PCDHGB4: variants seen among roughly 807,000 people sequenced by gnomAD.
PCDHGB4 encodes protocadherin gamma subfamily B, 4, also known as protocadherin gamma-B4.
In PCDHGB4, 38 loss-of-function variants were observed where a neutral mutation model predicts 60.5. The ratio of observed to expected loss-of-function variants is 0.63; its 90% confidence interval spans 0.48 to 0.82. PCDHGB4 has a LOEUF of 0.82. Among genes scored for constraint, PCDHGB4 ranks in the 40% least tolerant of loss-of-function variants. The pLI, the probability that PCDHGB4 is intolerant of heterozygous loss-of-function variation, is 0.00. For synonymous variants in PCDHGB4, 456 were observed against 509.7 expected (o/e 0.89, Z 1.42); for missense variants, 1,109 against 1,209.6 (o/e 0.92, Z 1.23).
At chr5:141,401,726 A>T (rs943909540) in intron 1 of PCDHGB4, among the ~76,000 whole-genome samples, 1 of 152,186 alleles carries the variant, frequency 6.6e-6, no homozygotes, top group African/African-American at 2.4e-5. Context: ...AAAAACTACT[A>T]GTCTTGTGTA....
chr5:141,405,353 A>G lies in PCDHGB4; in HGVS notation c.2397+15072A>G, dbSNP rs187461819. 6.9e-5 allele frequency: 112 copies of G among 1,614,026 alleles called. No homozygotes were observed. Among genetic ancestry groups the G allele is most frequent in the Admixed American group, 5.8e-4 (35 of 60,010 alleles). On this transcript the variant is annotated intron_variant, in intron 1 of 3. Coordinates refer to ENST00000519479, the MANE Select transcript of PCDHGB4 (RefSeq NM_003736.4). Reference sequence around the variant, plus strand: ...CGTCTCTGTTGATTCCAAGTTTCCTATAGAAGACACCCCTTTGGTTCCGGT... The same window carrying G: ...CGTCTCTGTTGATTCCAAGTTTCCTGTAGAAGACACCCCTTTGGTTCCGGT...
chr5:141,427,751 C>G (rs778043340), intron 1 of PCDHGB4: 6 of 1,306,076 alleles, frequency 4.6e-6, no homozygotes, highest in Non-Finnish European at 6.6e-6. Context: ...CCTACTCCAT[C>G]GTTACCACTG....
At position 141,414,671 on chromosome 5, in the gene PCDHGB4, C is replaced by A. The variant is rs115280317; in HGVS notation, c.2397+24390C>A. On this transcript the variant is annotated intron_variant, in intron 1 of 3. Coordinates refer to ENST00000519479, the MANE Select transcript of PCDHGB4 (RefSeq NM_003736.4). ...ATTATTTACTCCCTGGCTGAAGACA[C>A]CATCCAGGGGGTACCTCTGTCCTCA... 857 of 1,613,966 alleles carry A rather than the reference C, an allele frequency of 5.3e-4. 9 individuals carry two copies. In the African/African-American group the frequency reaches 0.01, roughly 19 times the overall value.
intron 3 of PCDHGB4, among the ~76,000 whole-genome samples, chr5:141,509,685 A>G (rs923641083): frequency 6.6e-6 from 1 of 152,166 alleles, no homozygotes. Flanking sequence ...TCTTCTGTAC[A>G]GTGGGACGTT....
At chr5:141,478,165 C>G (rs780594020) in intron 1 of PCDHGB4, 13 of 1,613,920 alleles carry the variant, frequency 8.1e-6, no homozygotes, top group African/African-American at 1.3e-5. Flanking sequence ...GCTCTGCCCC[C>G]CGGGAGCAGA....
intron 1 of PCDHGB4, chr5:141,398,873 T>G (rs2093718804): frequency 5.0e-6 from 8 of 1,613,254 alleles, no homozygotes; most frequent in Non-Finnish European, 6.8e-6. Context: ...GTGTACAGAG[T>G]CAGCCTTCGG....
intron 1 of PCDHGB4, among the ~76,000 whole-genome samples, chr5:141,488,741 C>A (rs2099678972): frequency 1.3e-5 from 2 of 152,310 alleles, no homozygotes; most frequent in South Asian, 4.1e-4. Context: ...TGAAGTCATG[C>A]AGGAAGTTGC....
chr5:141,429,547 A>C (rs2097222392), intron 1 of PCDHGB4, among the ~76,000 whole-genome samples: 1 of 152,196 alleles, frequency 6.6e-6, no homozygotes, highest in Non-Finnish European at 1.5e-5. Flanking sequence ...AGAACATGGT[A>C]ATGATTTGAT....
chr5:141,401,408 A>T (rs943963302), intron 1 of PCDHGB4, among the ~76,000 whole-genome samples: 9 of 152,200 alleles, frequency 5.9e-5, no homozygotes, highest in African/African-American at 1.7e-4. Context: ...TATGAGAGAG[A>T]AAGAGAGAGA....
chr5:141,474,260 A>G (rs1459875243), intron 1 of PCDHGB4, among the ~76,000 whole-genome samples: 1 of 152,170 alleles, frequency 6.6e-6, no homozygotes, highest in Non-Finnish European at 1.5e-5. Flanking sequence ...AGACTGATAA[A>G]CCAGTGTATC....
chr5:141,505,583 T>A, intron 3 of PCDHGB4, 102 bp downstream of exon 3: 1 of 1,583,650 alleles, frequency 6.3e-7, no homozygotes, highest in Non-Finnish European at 8.6e-7. Context: ...ACCTGTGTAG[T>A]TTCTCCAGAT....
chr5:141,415,853 G>GTAGTT, intron 1 of PCDHGB4: 1 of 1,186,350 alleles, frequency 8.4e-7, no homozygotes, highest in Non-Finnish European at 1.1e-6. Context: ...GCAGAACCTT[G>GTAGTT]TAGTTTATAG....
intron 1 of PCDHGB4, among the ~76,000 whole-genome samples, chr5:141,407,428 G>A (rs1211459456): frequency 6.6e-6 from 1 of 151,524 alleles, no homozygotes; most frequent in Non-Finnish European, 1.5e-5. Context: ...AATGTCTCTT[G>A]CCCTTAAAAC....
Position 141,490,611 on chromosome 5 carries a change from G to GCTTTA in PCDHGB4, c.2398-4194_2398-4190dup. On this transcript the variant is annotated intron_variant, in intron 1 of 3. Coordinates refer to ENST00000519479, the MANE Select transcript of PCDHGB4 (RefSeq NM_003736.4). The surrounding 1 kb of genome is among the most constrained non-coding windows in gnomAD (Gnocchi z 5.4). The stretch of plus-strand genomic sequence containing the variant: ...ACAATGCACCCCGCTTCAACCAGCA[G>GCTTTA]CTTTACACTGCTTACATCCTAGAAA... 6.2e-7 allele frequency: 1 copy of GCTTTA among 1,614,170 alleles called. No individual in the cohort carries two copies. Among genetic ancestry groups the GCTTTA allele is most frequent in the Non-Finnish European group, 8.5e-7 (1 of 1,180,036 alleles).
At chr5:141,422,709 T>A in intron 1 of PCDHGB4, 1 of 1,603,558 alleles carries the variant, frequency 6.2e-7, no homozygotes, top group Admixed American at 1.7e-5. Flanking sequence ...CTCTGACGGA[T>A]GACACTGTCC....
Position 141,458,000 on chromosome 5 carries a change from A to G in PCDHGB4, c.2398-36807A>G, listed in dbSNP as rs1047291886. ...CACCCTTTCAGTTAAAGCCTTGGCA[A>G]AATAACCGGTTTTTCCAATTGTGTT... On this transcript the variant is annotated intron_variant, in intron 1 of 3. Coordinates refer to ENST00000519479, the MANE Select transcript of PCDHGB4 (RefSeq NM_003736.4). Among the ~76,000 whole-genome samples, 4 of 152,214 alleles carry G rather than the reference A, an allele frequency of 2.6e-5. No homozygotes were observed. In the East Asian group the frequency reaches 5.8e-4, roughly 22 times the overall value.
At chr5:141,450,509 G>A (rs2098683055) in intron 1 of PCDHGB4, among the ~76,000 whole-genome samples, 1 of 151,878 alleles carries the variant, frequency 6.6e-6, no homozygotes, top group African/African-American at 2.4e-5. Flanking sequence ...GTTTTGAGAT[G>A]GAGTCTCATT....
At chr5:141,461,051 A>G (rs1238514064) in intron 1 of PCDHGB4, among the ~76,000 whole-genome samples, 1 of 151,734 alleles carries the variant, frequency 6.6e-6, no homozygotes, top group East Asian at 1.9e-4. Flanking sequence ...ATGGGGACTT[A>G]GGTTGGTTTC....
At chr5:141,451,535 A>G (rs150174911) in intron 1 of PCDHGB4, among the ~76,000 whole-genome samples, 2 of 152,328 alleles carry the variant, frequency 1.3e-5, no homozygotes, top group Non-Finnish European at 2.9e-5. Flanking sequence ...GGAGAGTGCC[A>G]GAGAGGGCAA....
Sources: gnomAD v4.1 joint callset for allele counts (sites outside exome capture counted in the v4.1 genomes callset) on GRCh38, gnomAD v4.1.1 for gene constraint, Gnocchi (gnomAD v3.1) non-coding constraint, MANE v1.5 for transcripts, NCBI Gene and HGNC (gene_info 2026-07-23, HGNC 2026-07-21) for gene names.